The following GOLGA3 variants were observed in gnomAD, a reference collection of about 807,000 sequenced individuals.
GOLGA3 encodes the protein golgin subfamily A member 3.
In GOLGA3, 75 loss-of-function variants were observed where a neutral mutation model predicts 169.4. The ratio of observed to expected loss-of-function variants is 0.44; its 90% confidence interval spans 0.37 to 0.54. The LOEUF is 0.54. Ranked by LOEUF, GOLGA3 falls within the 20% of genes least tolerant of loss-of-function variation. The pLI, the probability that GOLGA3 is intolerant of heterozygous loss-of-function variation, is 0.00. For missense variants in GOLGA3, 1,899 were observed against 1,930.0 expected (o/e 0.98, Z 0.30); for synonymous variants, 824 against 822.4 (o/e 1.00, Z -0.03).
intron 1 of GOLGA3, chr12:132,825,687 C>T (rs1457153723): frequency 3.0e-5 from 33 of 1,099,166 alleles, no homozygotes; most frequent in Non-Finnish European, 4.5e-5. Flanking sequence ...CACCTTTTTT[C>T]AGTGGCCGGG....
chr12:132,779,808 C>A (rs551519312), intron 18 of GOLGA3, among the ~76,000 whole-genome samples: 2 of 111,764 alleles, frequency 1.8e-5, no homozygotes, highest in Non-Finnish European at 3.7e-5. Context: ...CAGGCACACA[C>A]GTGTGTGCAC....
Position 132,786,706 on chromosome 12 carries a change from G to A in GOLGA3, c.2893C>T (p.Gln965Ter), listed in dbSNP as rs776517326. ...ATGCAGACTTACTTCCGGGCCTCTT[G>A]CTGCAACTCTTCGATTTGTTTCTTC... is the stretch of plus-strand genomic sequence containing the variant. ...ALKKQIEELQQEARKAITEQK... is the reference protein window; with the variant it reads ...ALKKQIEELQ The change falls in exon 14 of 24, where the codon CAA becomes TAA. Residue 965 changes from glutamine (Q) to a stop codon, truncating the protein, a stop_gained. Transcript: ENST00000450791. LOFTEE classifies it high-confidence loss of function. 6.2e-7 allele frequency: 1 copy of A among 1,601,072 alleles called. No individual in the cohort carries two copies. Among genetic ancestry groups the A allele is most frequent in the Non-Finnish European group, 8.5e-7 (1 of 1,177,806 alleles).
At chr12:132,820,747 T>A (rs1435175674) in intron 2 of GOLGA3, among the ~76,000 whole-genome samples, 1 of 152,060 alleles carries the variant, frequency 6.6e-6, no homozygotes, top group African/African-American at 2.4e-5. Flanking sequence ...AATCCTTAGA[T>A]CTCTACGGGA....
rs5801992 is a variant in GOLGA3 at position 132,798,179 on chromosome 12, TGG to T, written c.1938+159_1938+160del. Among the ~76,000 whole-genome samples, 10 of 37,774 alleles carry T rather than the reference TGG, an allele frequency of 2.6e-4. 1 individual carries two copies. Among genetic ancestry groups the T allele is most frequent in the African/African-American group, 8.2e-4 (7 of 8,548 alleles). The allele number at this position is 37,774 out of a possible 152,430, so 24.8% of individuals were successfully genotyped here. A position where few individuals can be genotyped will look rare whatever the true frequency, so the allele number is the denominator to read the frequency against. The stretch of plus-strand genomic sequence containing the variant: ...GCCCCCACAGGTGAGGGATGAGGGG[TGG>T]GGGGGGGGTCCCAAAGCCTTAACGA... On this transcript the variant is annotated intron_variant, in intron 9 of 23. Coordinates refer to ENST00000450791, the MANE Select transcript of GOLGA3 (RefSeq NM_001389683.1).
intron 7 of GOLGA3, among the ~76,000 whole-genome samples, chr12:132,803,874 G>T (rs1949252105): frequency 6.6e-6 from 1 of 152,138 alleles, no homozygotes; most frequent in Admixed American, 6.5e-5. Context: ...TCCCTGGGAG[G>T]ACTCTGGACC....
At chr12:132,781,745 T>A (rs951459265) in intron 17 of GOLGA3, among the ~76,000 whole-genome samples, 2 of 152,160 alleles carry the variant, frequency 1.3e-5, no homozygotes, top group Admixed American at 1.3e-4. Flanking sequence ...CCCAGCCTAG[T>A]CCTCAATTCA....
chr12:132,801,616 G>A (rs950412896), intron 8 of GOLGA3, 151 bp downstream of exon 8: 12 of 749,330 alleles, frequency 1.6e-5, no homozygotes, highest in South Asian at 3.3e-5. Context: ...CATACGACAC[G>A]TCCTACATGG....
At chr12:132,822,453 C>G in intron 1 of GOLGA3, 142 bp from the exon 2 acceptor site, 1 of 534,452 alleles carries the variant, frequency 1.9e-6, no homozygotes, top group South Asian at 3.0e-5. Flanking sequence ...TCCTGGAGCA[C>G]CCACAACATC....
At chr12:132,807,154 G>A (rs375163241) in intron 6 of GOLGA3, 23 bp downstream of exon 6, 6 of 1,419,966 alleles carry the variant, frequency 4.2e-6, no homozygotes, top group South Asian at 1.2e-5. Flanking sequence ...CGCACGCTGA[G>A]ATGTCAGTCG....
At chr12:132,779,972 C>G (rs1483109759) in intron 18 of GOLGA3, among the ~76,000 whole-genome samples, 1 of 143,088 alleles carries the variant, frequency 7.0e-6, no homozygotes, top group Admixed American at 7.0e-5. Context: ...AACCCTTCCA[C>G]GCACAGCCCG....
chr12:132,773,434 A>G, intron 23 of GOLGA3, 140 bp from the exon 24 acceptor site: 1 of 422,816 alleles, frequency 2.4e-6, no homozygotes, highest in East Asian at 3.6e-5. Flanking sequence ...AGACCACAGA[A>G]GCTCAGCTGT....
At chr12:132,826,878 C>A (rs1593418364) in intron 1 of GOLGA3, among the ~76,000 whole-genome samples, 1 of 152,196 alleles carries the variant, frequency 6.6e-6, no homozygotes, top group Non-Finnish European at 1.5e-5. Flanking sequence ...CAGTGCATCA[C>A]AGAAAGCTGG....
chr12:132,796,491 G>A (rs752366780), intron 10 of GOLGA3, 48 bp downstream of exon 10: 10 of 1,569,324 alleles, frequency 6.4e-6, no homozygotes, highest in South Asian at 3.5e-5. Flanking sequence ...CTGGCTGCTC[G>A]GGATCACCTG....
intron 6 of GOLGA3, 52 bp from the exon 7 acceptor site, chr12:132,805,074 T>A: frequency 6.4e-7 from 1 of 1,559,432 alleles, no homozygotes; most frequent in Non-Finnish European, 8.6e-7. Flanking sequence ...GTCACTTCCA[T>A]CCAGTGTATT....
chr12:132,808,968 T>C (rs1372628428), intron 4 of GOLGA3, among the ~76,000 whole-genome samples: 1 of 152,202 alleles, frequency 6.6e-6, no homozygotes, highest in African/African-American at 2.4e-5. Flanking sequence ...GGGGGACCAC[T>C]ACCACCAATG....
chr12:132,793,994 C>T (rs1168515322), intron 11 of GOLGA3, among the ~76,000 whole-genome samples: 1 of 152,142 alleles, frequency 6.6e-6, no homozygotes, highest in African/African-American at 2.4e-5. Flanking sequence ...GCCTTTTTCC[C>T]TACAATATGG....
chr12:132,784,415 C>G, intron 15 of GOLGA3, 108 bp from the exon 16 acceptor site: 2 of 913,686 alleles, frequency 2.2e-6, no homozygotes, highest in Non-Finnish European at 3.3e-6. Context: ...ACACCAGACA[C>G]CAGCTGTCTG....
intron 18 of GOLGA3, among the ~76,000 whole-genome samples, chr12:132,778,364 G>C (rs1190673830): frequency 6.6e-6 from 1 of 152,140 alleles, no homozygotes; most frequent in Non-Finnish European, 1.5e-5. Flanking sequence ...CACGAGGTCA[G>C]ATCGAGACTA....
At chr12:132,802,658 T>TA (rs1162662425) in intron 7 of GOLGA3, among the ~76,000 whole-genome samples, 20 of 151,512 alleles carry the variant, frequency 1.3e-4, no homozygotes, top group African/African-American at 4.8e-4. Flanking sequence ...AAAGAAAATT[T>TA]AAAAAAATAG....
Sources: gnomAD v4.1 joint callset for allele counts (sites outside exome capture counted in the v4.1 genomes callset) on GRCh38, gnomAD v4.1.1 for gene constraint, MANE v1.5 for transcripts, NCBI Gene and HGNC (gene_info 2026-07-23, HGNC 2026-07-21) for gene names.